The following COX10 variants were observed in gnomAD, a reference collection of about 807,000 sequenced individuals.
COX10 encodes the protein cytochrome c oxidase assembly factor heme A:farnesyltransferase COX10.
COX10 carries 27 observed loss-of-function variants against 37.3 expected under a neutral mutation model. The observed-to-expected ratio is 0.72, with a 90% CI of 0.53 to 1.00. The LOEUF is 1.00. COX10 is among the 50% of genes least tolerant of loss of function. The probability of loss-of-function intolerance (pLI) is 0.00; values close to 1 mark genes in which losing one functional copy is unlikely to be tolerated. For missense variants in COX10, 475 were observed against 563.2 expected, an observed-to-expected ratio of 0.84 and a Z score of 1.59; for synonymous variants, 222 against 229.1, an observed-to-expected ratio of 0.97 and a Z score of 0.28.
intron 3 of COX10, among the ~76,000 whole-genome samples, chr17:14,098,969 G>T (rs1915710354): frequency 1.3e-5 from 2 of 152,052 alleles, no homozygotes; most frequent in African/African-American, 4.8e-5. Flanking sequence ...TGTGAGAGGG[G>T]ACAACACATG....
chr17:14,142,974 T>C (rs1468476495), intron 4 of COX10, among the ~76,000 whole-genome samples: 1 of 152,202 alleles, frequency 6.6e-6, no homozygotes, highest in Admixed American at 6.6e-5. Flanking sequence ...CTTACCCTGC[T>C]ATAAGAATTT....
chr17:14,117,794 T>G (rs1187790442), intron 4 of COX10, among the ~76,000 whole-genome samples: 1 of 152,172 alleles, frequency 6.6e-6, no homozygotes, highest in Non-Finnish European at 1.5e-5. Context: ...CCTTCTGCCT[T>G]ATCCCAAGGA....
chr17:14,146,362 T>C (rs533527448), intron 4 of COX10, among the ~76,000 whole-genome samples: 1 of 152,230 alleles, frequency 6.6e-6, no homozygotes, highest in African/African-American at 2.4e-5. Flanking sequence ...AATGAACTTA[T>C]TTTTAGCAAA....
intron 4 of COX10, among the ~76,000 whole-genome samples, chr17:14,115,240 G>A (rs1916083656): frequency 6.6e-6 from 1 of 152,134 alleles, no homozygotes; most frequent in South Asian, 2.1e-4. Context: ...ATTTTACGAT[G>A]TACAGAGGAA....
At chr17:14,158,895 A>G (rs1905113049) in intron 4 of COX10, among the ~76,000 whole-genome samples, 1 of 152,214 alleles carries the variant, frequency 6.6e-6, no homozygotes, top group Non-Finnish European at 1.5e-5. Context: ...GATTTCTTAA[A>G]TAATAACCTA....
At chr17:14,116,402 T>C (rs1336445197) in intron 4 of COX10, among the ~76,000 whole-genome samples, 2 of 152,086 alleles carry the variant, frequency 1.3e-5, no homozygotes, top group Non-Finnish European at 2.9e-5. Flanking sequence ...ATACAGAAAC[T>C]CAGACTCTCT....
chr17:14,168,156 A>C lies in COX10; in HGVS notation c.695+8209A>C, dbSNP rs2142245754. Among the ~76,000 whole-genome samples, 2 of 152,374 alleles carry C rather than the reference A, an allele frequency of 1.3e-5. 1 individual carries two copies. Among genetic ancestry groups the C allele is most frequent in the South Asian group, 4.1e-4 (2 of 4,832 alleles). ...AAATTGGCCAAAACAGAGGGGCTACAGGCCCCATGCATGTCCGAAACCCAA... is the reference window on the plus strand; with the variant it reads ...AAATTGGCCAAAACAGAGGGGCTACCGGCCCCATGCATGTCCGAAACCCAA... On this transcript the variant is annotated intron_variant, in intron 5 of 6. Coordinates refer to ENST00000261643, the MANE Select transcript of COX10 (RefSeq NM_001303.4).
In COX10 at chr17:14,141,128, A is replaced by C. The variant is rs182775009; in HGVS notation, c.625-18749A>C. The stretch of plus-strand genomic sequence containing the variant: ...TATAGTGTTAATTTATCTGTTTTAC[A>C]TCTCACTTTTGTATCTGAAACCGTT... On this transcript the variant is annotated intron_variant, in intron 4 of 6. Coordinates refer to ENST00000261643, the MANE Select transcript of COX10 (RefSeq NM_001303.4). Among the ~76,000 whole-genome samples, 34 of 152,200 alleles carry C rather than the reference A, an allele frequency of 2.2e-4. No individual in the cohort carries two copies. The East Asian group carries it at 5.2e-3, about 23-fold the overall frequency.
intron 4 of COX10, among the ~76,000 whole-genome samples, chr17:14,127,031 C>T (rs1916357723): frequency 6.6e-6 from 1 of 151,926 alleles, no homozygotes; most frequent in Admixed American, 6.6e-5. Flanking sequence ...AAATGACTGT[C>T]CTAAATCTTC....
chr17:14,126,538 A>G (rs1239855274), intron 4 of COX10, among the ~76,000 whole-genome samples: 1 of 152,162 alleles, frequency 6.6e-6, no homozygotes, highest in Non-Finnish European at 1.5e-5. Flanking sequence ...AAATTTTAGT[A>G]TGGTATTCTG....
chr17:14,157,912 T>C (rs552441764), intron 4 of COX10, among the ~76,000 whole-genome samples: 3 of 152,224 alleles, frequency 2.0e-5, no homozygotes, highest in Non-Finnish European at 4.4e-5. Context: ...CTTTTATTCT[T>C]ATAATTACAG....
intron 3 of COX10, among the ~76,000 whole-genome samples, chr17:14,078,848 A>G (rs1255127317): frequency 2.0e-5 from 3 of 152,290 alleles, no homozygotes; most frequent in East Asian, 1.9e-4. Context: ...GTTCCTCAGA[A>G]TCAACCTTTT....
intron 3 of COX10, among the ~76,000 whole-genome samples, chr17:14,081,878 G>A (rs751356854): frequency 2.0e-5 from 3 of 152,192 alleles, no homozygotes; most frequent in African/African-American, 7.2e-5. Flanking sequence ...ATGAATGGTG[G>A]TGTTGAGACT....
intron 6 of COX10, among the ~76,000 whole-genome samples, chr17:14,198,594 G>T (rs1241433496): frequency 6.6e-6 from 1 of 152,120 alleles, no homozygotes; most frequent in Non-Finnish European, 1.5e-5. Context: ...TCAGAAATGG[G>T]ATCTTATCAG....
intron 3 of COX10, among the ~76,000 whole-genome samples, chr17:14,092,577 A>G (rs1915552797): frequency 1.3e-5 from 2 of 152,094 alleles, no homozygotes; most frequent in Admixed American, 1.3e-4. Context: ...TCTCATATCA[A>G]TTGACTTTTC....
At position 14,176,830 on chromosome 17, in the gene COX10, T is replaced by C. The variant is rs1215516165; in HGVS notation, c.696-15159T>C. 3.3e-5 allele frequency among the ~76,000 whole-genome samples: 5 copies of C among 152,068 alleles called. No individual in the cohort carries two copies. The East Asian group carries it at 7.7e-4, about 24-fold the overall frequency. ...TTGTTACTGAGCTCCCTTTTGTCTA[T>C]GTTGTTTCAAATGATGGAGAAAGTG... On this transcript the variant is annotated intron_variant, in intron 5 of 6. Coordinates refer to ENST00000261643, the MANE Select transcript of COX10 (RefSeq NM_001303.4).
intron 3 of COX10, among the ~76,000 whole-genome samples, chr17:14,084,753 C>G (rs546678892): frequency 6.6e-6 from 1 of 152,096 alleles, no homozygotes; most frequent in Non-Finnish European, 1.5e-5. Flanking sequence ...CTCCGCCTCC[C>G]GGGTTCAAGC....
rs182618345 is a variant in COX10, at chr17:14,167,625, G to A, written c.695+7678G>A. On this transcript the variant is annotated intron_variant, in intron 5 of 6. Transcript: ENST00000261643. ...GTTCCACATGGCTGAGGAGGCCTCA[G>A]GAAACTTACAAGCATAGTAGAAGGT... Among the ~76,000 whole-genome samples, 70 of 152,294 alleles carry A rather than the reference G, an allele frequency of 4.6e-4. 1 individual carries two copies. Among genetic ancestry groups the A allele is most frequent in the South Asian group, 3.5e-3 (17 of 4,824 alleles).
At chr17:14,135,828 C>T (rs1412304033) in intron 4 of COX10, among the ~76,000 whole-genome samples, 1 of 151,972 alleles carries the variant, frequency 6.6e-6, no homozygotes, top group East Asian at 1.9e-4. Flanking sequence ...GCCAGCAACT[C>T]AGGAAAAGTA....
Sources: allele counts gnomAD v4.1 joint callset (sites outside exome capture counted in the v4.1 genomes callset), GRCh38; gene constraint gnomAD v4.1.1; transcripts MANE v1.5; gene names NCBI Gene and HGNC (gene_info 2026-07-23, HGNC 2026-07-21).